SGCD: variants seen among roughly 807,000 people sequenced by gnomAD.
SGCD encodes the protein delta-sarcoglycan.
Under a neutral mutation model 36.6 loss-of-function variants are expected in SGCD, and 18 were observed. That is an observed-to-expected ratio of 0.49 (90% confidence interval 0.34 to 0.73). The LOEUF (loss-of-function observed/expected upper bound fraction) is 0.73. Among genes scored for constraint, SGCD ranks in the 30% least tolerant of loss-of-function variants. The probability of loss-of-function intolerance (pLI) is 0.01; values close to 1 mark genes in which losing one functional copy is unlikely to be tolerated. For synonymous variants in SGCD, 133 were observed against 130.6 expected, an observed-to-expected ratio of 1.02 and a Z score of -0.12; for missense variants, 387 against 346.7, an observed-to-expected ratio of 1.12 and a Z score of -0.92.
chr5:155,781,646 T>G, the SGCD span, among the ~76,000 whole-genome samples: 1,416 of 152,050 alleles, frequency 9.3e-3, 22 homozygotes, highest in African/African-American at 0.033. Context: ...GTTTTTTGTA[T>G]TTTTTGTAGA....
chr5:156,323,048 C>T (rs919285057), upstream of SGCD, among the ~76,000 whole-genome samples: 1 of 152,078 alleles, frequency 6.6e-6, no homozygotes, highest in African/African-American at 2.4e-5. Flanking sequence ...TAAAAGCTAC[C>T]CCAGGTGATT....
the SGCD span, among the ~76,000 whole-genome samples, chr5:155,780,497 A>G: frequency 1.3e-5 from 2 of 152,150 alleles, no homozygotes; most frequent in African/African-American, 4.8e-5. Flanking sequence ...TGCAGTATAA[A>G]TGTACTTATT....
chr5:155,950,531 C>G (rs772639185), intron 1 of SGCD, among the ~76,000 whole-genome samples: 1 of 152,098 alleles, frequency 6.6e-6, no homozygotes, highest in African/African-American at 2.4e-5. Flanking sequence ...ATATCCACCC[C>G]TAAAGTTAGG....
intron 3 of SGCD, among the ~76,000 whole-genome samples, chr5:156,290,095 A>T (rs975616659): frequency 6.6e-6 from 1 of 152,172 alleles, no homozygotes; most frequent in East Asian, 1.9e-4. Flanking sequence ...CAATGATGAT[A>T]ATAATAGCAA....
At chr5:155,826,045 C>T in the SGCD span, among the ~76,000 whole-genome samples, 3 of 152,322 alleles carry the variant, frequency 2.0e-5, no homozygotes, top group African/African-American at 4.8e-5. Context: ...CCACCATACT[C>T]GGCCTAGTTG....
the SGCD span, among the ~76,000 whole-genome samples, chr5:155,787,840 TA>T: frequency 6.6e-6 from 1 of 152,312 alleles, no homozygotes; most frequent in Admixed American, 6.5e-5. Flanking sequence ...CACAGTAAGC[TA>T]GGGGCACACT....
intron 3 of SGCD, among the ~76,000 whole-genome samples, chr5:156,475,955 T>C (rs1485013212): frequency 6.6e-6 from 1 of 152,188 alleles, no homozygotes; most frequent in Non-Finnish European, 1.5e-5. Context: ...AAGGTTAAGC[T>C]TCCCAGGGCT....
At chr5:156,478,430 G>C (rs1013499277) in intron 3 of SGCD, among the ~76,000 whole-genome samples, 2 of 152,154 alleles carry the variant, frequency 1.3e-5, no homozygotes, top group Non-Finnish European at 2.9e-5. Context: ...GAGACCTCTT[G>C]CGATTACTGA....
chr5:156,069,972 A>G (rs1010593905), intron 1 of SGCD, among the ~76,000 whole-genome samples: 2 of 152,058 alleles, frequency 1.3e-5, no homozygotes, highest in South Asian at 2.1e-4. Flanking sequence ...ATTTTTGTAC[A>G]TTGATTTTGT....
At chr5:155,841,525 A>AT in the SGCD span, among the ~76,000 whole-genome samples, 1 of 152,050 alleles carries the variant, frequency 6.6e-6, no homozygotes, top group Non-Finnish European at 1.5e-5. Context: ...TTTGCATTTT[A>AT]TTTTTTGTGA....
At chr5:156,601,737 G>A (rs1194286011) in intron 6 of SGCD, among the ~76,000 whole-genome samples, 2 of 152,150 alleles carry the variant, frequency 1.3e-5, no homozygotes, top group African/African-American at 4.8e-5. Context: ...ATGCTGGAGT[G>A]CAGTGGCGCG....
chr5:156,508,893 T>C lies in SGCD; in HGVS notation c.294+191T>C, dbSNP rs1292911326. On this transcript the variant is annotated intron_variant, in intron 4 of 8. Coordinates refer to ENST00000337851, the MANE Select transcript of SGCD (RefSeq NM_000337.6). ...GGTACTGTAAGCAAGTGAGATGACC[T>C]CTCTGAGCCTCTTTCCATTCCTGCT... 2.6e-5 allele frequency among the ~76,000 whole-genome samples: 4 copies of C among 152,166 alleles called. No homozygotes were observed. In the South Asian group the frequency reaches 6.2e-4, roughly 24 times the overall value.
At chr5:156,331,097 G>A (rs1261597164) in intron 2 of SGCD, among the ~76,000 whole-genome samples, 3 of 152,282 alleles carry the variant, frequency 2.0e-5, no homozygotes, top group East Asian at 3.9e-4. Context: ...GAGTGAAAAA[G>A]GTAGAGCAAG....
intron 6 of SGCD, among the ~76,000 whole-genome samples, chr5:156,615,654 C>G (rs1761992144): frequency 6.6e-6 from 1 of 152,152 alleles, no homozygotes; most frequent in African/African-American, 2.4e-5. Context: ...TGCCAAATCA[C>G]TGCTACAGGT....
intron 3 of SGCD, among the ~76,000 whole-genome samples, chr5:156,137,613 T>C (rs1762490003): frequency 6.6e-6 from 1 of 152,164 alleles, no homozygotes; most frequent in African/African-American, 2.4e-5. Context: ...ATGTGAAGTA[T>C]TTCTTGTGGT....
chr5:156,453,213 G>A (rs1203852431), intron 3 of SGCD, among the ~76,000 whole-genome samples: 7 of 152,134 alleles, frequency 4.6e-5, no homozygotes, highest in Non-Finnish European at 1.0e-4. Flanking sequence ...AAGATAATAT[G>A]ACATTTGAAG....
At chr5:156,114,747 G>A (rs1185214083) in intron 1 of SGCD, among the ~76,000 whole-genome samples, 2 of 152,038 alleles carry the variant, frequency 1.3e-5, no homozygotes, top group Admixed American at 6.6e-5. Flanking sequence ...TAAATTACAA[G>A]CCATATTTTC....
chr5:156,596,516 A>G (rs938392416), intron 6 of SGCD, among the ~76,000 whole-genome samples: 2 of 152,202 alleles, frequency 1.3e-5, no homozygotes, highest in Non-Finnish European at 2.9e-5. Flanking sequence ...ATCTTAAATT[A>G]TTAGTATTAT....
intron 5 of SGCD, among the ~76,000 whole-genome samples, chr5:156,592,299 C>T (rs991667653): frequency 3.3e-5 from 5 of 152,014 alleles, no homozygotes; most frequent in South Asian, 4.1e-4. Context: ...TTCATTCATT[C>T]GTTAGTACTT....
Sources: gnomAD v4.1 joint callset for allele counts (sites outside exome capture counted in the v4.1 genomes callset) on GRCh38, gnomAD v4.1.1 for gene constraint, MANE v1.5 for transcripts, NCBI Gene and HGNC (gene_info 2026-07-23, HGNC 2026-07-21) for gene names.